DHX35: variants seen among roughly 807,000 people sequenced by gnomAD.
DHX35 encodes probable ATP-dependent RNA helicase DHX35.
In DHX35, 84 loss-of-function variants were observed where a neutral mutation model predicts 99.6. The ratio of observed to expected loss-of-function variants is 0.84; its 90% CI spans 0.71 to 1.01. The LOEUF (loss-of-function observed/expected upper bound fraction) is 1.01. Ranked by LOEUF, DHX35 falls within the 50% of genes least tolerant of loss-of-function variation. The pLI, the probability that DHX35 is intolerant of heterozygous loss-of-function variation, is 0.00. For synonymous variants in DHX35, 331 were observed against 316.2 expected (o/e 1.05, Z -0.50); for missense variants, 852 against 888.5 (o/e 0.96, Z 0.52).
At position 39,021,826 on chromosome 20, in the gene DHX35, CT is replaced by C. The variant is rs763903126; in HGVS notation, c.1499-10del. On this transcript the variant is annotated splice_polypyrimidine_tract_variant and intron_variant, in intron 15 of 21. Coordinates refer to ENST00000252011, the MANE Select transcript of DHX35 (RefSeq NM_021931.4). ...CATTATATGGTTGAAACCAAACATG[CT>C]TTTTGTTTTACAGGAAACTTCGGCT... 1.1e-4 allele frequency: 183 copies of C among 1,612,868 alleles called. No homozygotes were observed. Among genetic ancestry groups the C allele is most frequent in the Non-Finnish European group, 1.5e-4 (176 of 1,178,978 alleles).
chr20:39,001,080 C>T (rs945522870), intron 8 of DHX35, among the ~76,000 whole-genome samples: 4 of 152,126 alleles, frequency 2.6e-5, no homozygotes, highest in Non-Finnish European at 5.9e-5. Flanking sequence ...AGGATGTGGA[C>T]ACCTGTTTGG....
intron 19 of DHX35, 175 bp from the exon 20 acceptor site, chr20:39,030,529 G>C: frequency 1.7e-6 from 1 of 592,894 alleles, no homozygotes; most frequent in Non-Finnish European, 2.9e-6. Flanking sequence ...CTTGACTTCT[G>C]GGGTGGCAGC....
At chr20:39,036,920 G>A (rs944177458) in intron 21 of DHX35, among the ~76,000 whole-genome samples, 2 of 152,076 alleles carry the variant, frequency 1.3e-5, no homozygotes, top group African/African-American at 2.4e-5. Context: ...GCCCATGTAT[G>A]GTAGATGTTC....
intron 1 of DHX35, chr20:38,962,711 A>T: frequency 2.4e-6 from 1 of 416,878 alleles, no homozygotes; most frequent in Non-Finnish European, 4.3e-6. Context: ...GGAATCCTAA[A>T]GCTCCCTCTC....
intron 1 of DHX35, among the ~76,000 whole-genome samples, chr20:38,963,932 T>TA (rs1368447825): frequency 6.6e-6 from 1 of 151,932 alleles, no homozygotes; most frequent in Non-Finnish European, 1.5e-5. Context: ...GTCTACCACT[T>TA]ACTAAGTTGA....
chr20:38,995,236 T>C (rs1466921250), intron 8 of DHX35, among the ~76,000 whole-genome samples: 1 of 152,166 alleles, frequency 6.6e-6, no homozygotes, highest in Admixed American at 6.5e-5. Flanking sequence ...AATTGAAGTT[T>C]CTCCTGGGCT....
chr20:38,985,713 G>T (rs1207703640), intron 4 of DHX35, among the ~76,000 whole-genome samples: 1 of 152,136 alleles, frequency 6.6e-6, no homozygotes, highest in Non-Finnish European at 1.5e-5. Flanking sequence ...TTTCCTGTTT[G>T]TGGTTTGGAA....
At chr20:38,966,137 A>G (rs761574048) in intron 1 of DHX35, among the ~76,000 whole-genome samples, 1 of 152,226 alleles carries the variant, frequency 6.6e-6, no homozygotes, top group Non-Finnish European at 1.5e-5. Context: ...AGTTAAAGGG[A>G]ATGAGGAATT....
At chr20:39,018,939 C>G (rs781716832) in intron 15 of DHX35, 40 bp downstream of exon 15, 1 of 1,601,108 alleles carries the variant, frequency 6.2e-7, no homozygotes, top group South Asian at 1.1e-5. Flanking sequence ...TTTATTTTGA[C>G]TGTCAGAGGT....
chr20:39,006,363 G>A lies in DHX35; in HGVS notation c.1222+7G>A. The A allele has an allele frequency of 6.2e-7, 1 of 1,612,980 alleles. No homozygotes were observed. On this transcript the variant is annotated splice_region_variant and intron_variant, in intron 12 of 21. Coordinates refer to ENST00000252011, the MANE Select transcript of DHX35 (RefSeq NM_021931.4). Reference sequence around the variant, plus strand: ...TGTTATCGCCTTTATACAGGTTAGTGTGGCTTTCCCTAAGGGTTTTTGACT... The same window carrying A: ...TGTTATCGCCTTTATACAGGTTAGTATGGCTTTCCCTAAGGGTTTTTGACT...
intron 1 of DHX35, among the ~76,000 whole-genome samples, chr20:38,964,177 A>G (rs1311372494): frequency 6.6e-6 from 1 of 152,214 alleles, no homozygotes; most frequent in African/African-American, 2.4e-5. Context: ...AGTGAACATT[A>G]AAGGATGAAT....
At chr20:38,988,417 G>T (rs973067285) in intron 4 of DHX35, among the ~76,000 whole-genome samples, 1 of 152,128 alleles carries the variant, frequency 6.6e-6, no homozygotes, top group African/African-American at 2.4e-5. Context: ...ATTGCTTGAG[G>T]TCAGGAGTTT....
intron 21 of DHX35, 56 bp from the exon 22 acceptor site, chr20:39,038,443 A>G: frequency 6.3e-7 from 1 of 1,576,044 alleles, no homozygotes; most frequent in Non-Finnish European, 8.7e-7. Flanking sequence ...ATTATGTTGC[A>G]GTCTGGTTTC....
intron 8 of DHX35, among the ~76,000 whole-genome samples, chr20:39,000,385 T>A (rs1489278162): frequency 6.6e-6 from 1 of 152,182 alleles, no homozygotes; most frequent in Non-Finnish European, 1.5e-5. Context: ...TCCCACTTGT[T>A]TGTATGTCAC....
At chr20:39,008,658 G>T (rs2086655145) in intron 12 of DHX35, among the ~76,000 whole-genome samples, 1 of 152,172 alleles carries the variant, frequency 6.6e-6, no homozygotes, top group South Asian at 2.1e-4. Flanking sequence ...CACCTGCTCA[G>T]ACCCTCCACA....
intron 20 of DHX35, among the ~76,000 whole-genome samples, chr20:39,033,773 C>A (rs1361977969): frequency 2.0e-5 from 3 of 152,154 alleles, no homozygotes; most frequent in Admixed American, 6.5e-5. Flanking sequence ...ACCCATGTAA[C>A]CTGGACCCAC....
intron 21 of DHX35, among the ~76,000 whole-genome samples, chr20:39,035,128 G>T (rs755888104): frequency 2.0e-5 from 3 of 152,074 alleles, no homozygotes; most frequent in Non-Finnish European, 4.4e-5. Flanking sequence ...CTGGAATGCA[G>T]TGGCACAATC....
Position 38,994,886 on chromosome 20 carries a change from A to G in DHX35, c.642+6A>G. The G allele has an allele frequency of 6.2e-7, 1 of 1,613,586 alleles. No individual in the cohort carries two copies. The highest frequency in any genetic ancestry group is 8.5e-7 in the Non-Finnish European group (1 of 1,179,572). ...CAGCCACTCTGGATGCAGACGTAAG[A>G]GCCTTGCCTCCCCTTTCCTCCTCTC... On this transcript the variant is annotated splice_donor_region_variant and intron_variant, in intron 8 of 21. Coordinates refer to ENST00000252011, the MANE Select transcript of DHX35 (RefSeq NM_021931.4).
intron 18 of DHX35, among the ~76,000 whole-genome samples, chr20:39,026,427 A>G (rs1413480735): frequency 1.3e-5 from 2 of 152,184 alleles, no homozygotes; most frequent in African/African-American, 4.8e-5. Flanking sequence ...CTTTTACTCT[A>G]AGGGAACAGT....
Sources: gnomAD v4.1 joint callset for allele counts (sites outside exome capture counted in the v4.1 genomes callset) on GRCh38, gnomAD v4.1.1 for gene constraint, MANE v1.5 for transcripts, NCBI Gene and HGNC (gene_info 2026-07-23, HGNC 2026-07-21) for gene names.